Variants in MRGPRF observed in about 807,000 individuals in gnomAD.
The protein encoded by MRGPRF is MAS related GPR family member F.
MRGPRF carries 2 observed loss-of-function variants against 3.3 expected under a neutral mutation model. The ratio of observed to expected loss-of-function variants is 0.61; its 90% CI spans 0.25 to 1.92. The LOEUF (loss-of-function observed/expected upper bound fraction) is 1.92, where lower values mean the gene tolerates loss of function less well. Among genes scored for constraint, MRGPRF ranks in the 40% most tolerant of loss-of-function variants. The pLI is 0.16. For synonymous variants in MRGPRF, 242 were observed against 222.7 expected, an observed-to-expected ratio of 1.09 and a Z score of -0.77; for missense variants, 500 against 476.0, an observed-to-expected ratio of 1.05 and a Z score of -0.47.
intron 2 of MRGPRF, among the ~76,000 whole-genome samples, chr11:69,008,857 A>G (rs1157403868): frequency 1.3e-5 from 2 of 152,194 alleles, no homozygotes; most frequent in Non-Finnish European, 2.9e-5. Flanking sequence ...TGCCTCTTGT[A>G]TGCATGCACG....
chr11:69,013,112 CT>C lies in MRGPRF; in HGVS notation c.-87del. The C allele has an allele frequency of 6.6e-6, 1 of 152,554 alleles. No individual in the cohort carries two copies. Among genetic ancestry groups the C allele is most frequent in the Non-Finnish European group, 1.5e-5 (1 of 68,216 alleles). The allele number at this position is 152,554 out of a possible 1,614,324, so 9.5% of individuals were successfully genotyped here. ...AGCTGTCCTGATCCGCCGAGGCCTC[CT>C]TTTGTGGAGGGCTCTTCCTGTGACT... On this transcript the variant is annotated 5_prime_UTR_variant, in exon 1 of 3. Coordinates refer to ENST00000309099, the MANE Select transcript of MRGPRF (RefSeq NM_145015.5).
intron 1 of MRGPRF, among the ~76,000 whole-genome samples, chr11:69,011,433 G>C (rs1177260744): frequency 6.6e-6 from 1 of 152,230 alleles, no homozygotes; most frequent in East Asian, 1.9e-4. Context: ...TGGGGTCTTC[G>C]GGGTGTCCCA....
intron 2 of MRGPRF, 120 bp from the exon 3 acceptor site, chr11:69,006,381 G>T (rs984709707): frequency 8.1e-7 from 1 of 1,228,256 alleles, no homozygotes; most frequent in Non-Finnish European, 1.1e-6. Flanking sequence ...GCAGGGAGGG[G>T]GTCTGTAAGG....
At position 69,005,358 on chromosome 11, in the gene MRGPRF, C is replaced by A. The variant is rs762158049; in HGVS notation, c.952G>T (p.Ala318Ser). 1.3e-6 allele frequency: 2 copies of A among 1,567,578 alleles called. No homozygotes were observed. The highest frequency in any genetic ancestry group is 3.7e-5 in the Admixed American group (2 of 53,492). Residue 318 changes from alanine (A) to serine (S), a missense_variant, in exon 3 of 3, where the codon GCT (alanine) becomes TCT (serine). Transcript: ENST00000309099. ...VVFQRALRDG[A>S]ELGEAGGSTP... Reference sequence around the variant, plus strand: ...CTGCCCCCGGCCTCCCCCAGCTCAGCGCCGTCCCGCAGGGCCCGCTGGAAG... The same window carrying A: ...CTGCCCCCGGCCTCCCCCAGCTCAGAGCCGTCCCGCAGGGCCCGCTGGAAG...
At position 69,010,704 on chromosome 11, in the gene MRGPRF, G is replaced by A. The variant is rs529626941; in HGVS notation, c.-56-747C>T. ...CAGATTTGTGTTTCGAGCAGCTGCC[G>A]TAGGGAGGGACTGCTGGCATAGAGA... On this transcript the variant is annotated intron_variant, in intron 1 of 2. Coordinates refer to ENST00000309099, the MANE Select transcript of MRGPRF (RefSeq NM_145015.5). Among the ~76,000 whole-genome samples, 522 of 152,270 alleles carry A rather than the reference G, an allele frequency of 3.4e-3. 13 individuals carry two copies. The highest frequency in any genetic ancestry group is 0.03 in the Admixed American group (462 of 15,306).
Position 69,005,698 on chromosome 11 carries a change from G to C in MRGPRF, c.612C>G (p.Leu204=). The C allele has an allele frequency of 1.3e-6, 2 of 1,551,006 alleles. No homozygotes were observed. Among genetic ancestry groups the C allele is most frequent in the East Asian group, 2.4e-5 (1 of 40,920 alleles). ...CRHMDIFLGI[L]LFLLCCPLMV... is the part of the protein sequence containing the mutation. ...TGAGCGGGCAGCAGAGCAGGAACAGGAGGATGCCCAGGAAGATGTCCATGT... is the reference window on the plus strand; with the variant it reads ...TGAGCGGGCAGCAGAGCAGGAACAGCAGGATGCCCAGGAAGATGTCCATGT... Residue 204 remains leucine, a synonymous_variant, in exon 3 of 3, where the codon CTC becomes CTG. Coordinates refer to ENST00000309099, the MANE Select transcript of MRGPRF (RefSeq NM_145015.5).
In MRGPRF at chr11:69,006,130, C is replaced by T; in HGVS notation, c.180G>A (p.Val60=). 2 of 1,614,080 alleles carry T rather than the reference C, an allele frequency of 1.2e-6. No homozygotes were observed. The highest frequency in any genetic ancestry group is 1.7e-6 in the Non-Finnish European group (2 of 1,180,008). ...IFLLLCLCGL[V]GNGLVLWFFG... is the part of the protein sequence containing the mutation. ...AAAACCAGAGGACCAGCCCGTTGCCCACCAGGCCACACAGGCAGAGGAGCA... is the reference window on the plus strand; with the variant it reads ...AAAACCAGAGGACCAGCCCGTTGCCTACCAGGCCACACAGGCAGAGGAGCA... The change falls in exon 3 of 3, where the codon GTG becomes GTA. Residue 60 remains valine, a synonymous_variant. Coordinates refer to ENST00000309099, the MANE Select transcript of MRGPRF (RefSeq NM_145015.5).
intron 1 of MRGPRF, 38 bp from the exon 2 acceptor site, chr11:69,009,995 A>C: frequency 7.2e-7 from 1 of 1,396,128 alleles, no homozygotes; most frequent in Non-Finnish European, 9.7e-7. Flanking sequence ...TGAGGACAGC[A>C]GGGACCCCTC....
In MRGPRF at chr11:69,005,494, G is replaced by A. The variant is rs769780377; in HGVS notation, c.816C>T (p.Pro272=). 10 of 1,582,262 alleles carry A rather than the reference G, an allele frequency of 6.3e-6. No individual in the cohort carries two copies. The highest frequency in any genetic ancestry group is 1.3e-5 in the African/African-American group (1 of 74,246). Residue 272 remains proline, a synonymous_variant, in exon 3 of 3, where the codon CCC becomes CCT. Transcript: ENST00000309099. ...FWVFQIPAPF[P]EYVTDLCICI... ...AGATGCACAGGTCAGTGACGTACTC[G>A]GGGAAGGGGGCCGGGATCTGGAAGA...
chr11:69,005,625 G>T lies in MRGPRF; in HGVS notation c.685C>A (p.Arg229=). 6.4e-7 allele frequency: 1 copy of T among 1,557,530 alleles called. No individual in the cohort carries two copies. The highest frequency in any genetic ancestry group is 8.7e-7 in the Non-Finnish European group (1 of 1,151,028). ...AGCTTGGCAGAGCGCTGGCGCCGTC[G>T]GGCCCGGCACTCCACGTGCAGGATG... ...ALILHVECRA[R]RRQRSAKLNH... is the part of the protein sequence containing the mutation. The change falls in exon 3 of 3, where the codon CGA becomes AGA. Residue 229 remains arginine (R), a synonymous_variant. Transcript: ENST00000309099.
chr11:69,006,377 A>T, intron 2 of MRGPRF, 116 bp from the exon 3 acceptor site: 19 of 1,202,650 alleles, frequency 1.6e-5, no homozygotes, highest in African/African-American at 3.1e-5. Flanking sequence ...TGGGGCAGGG[A>T]GGGGGTCTGT....
intron 1 of MRGPRF, chr11:69,012,520 G>T (rs72923410): frequency 2.6e-5 from 4 of 152,538 alleles, no homozygotes; most frequent in Non-Finnish European, 5.9e-5. Flanking sequence ...AAGGCCAACA[G>T]CTTCATCAGG....
At chr11:69,008,432 C>T (rs1012004611) in intron 2 of MRGPRF, among the ~76,000 whole-genome samples, 1 of 152,230 alleles carries the variant, frequency 6.6e-6, no homozygotes, top group Non-Finnish European at 1.5e-5. Context: ...CTTCAGATGA[C>T]TCCCAGCTCT....
In MRGPRF at chr11:69,005,297, G is replaced by A; in HGVS notation, c.1013C>T (p.Pro338Leu). ...PNTVTMEMQC[P>L]PGNAS ...GGAGTCTCAGGAGGCGTTCCCCGGG[G>A]GACACTGCATCTCCATGGTGACTGT... The change falls in exon 3 of 3, where the codon CCC becomes CTC. Residue 338 changes from proline (P) to leucine (L), a missense_variant. By Grantham distance (98) the Pro-to-Leu change is moderately conservative (BLOSUM62 -3). Coordinates refer to ENST00000309099, the MANE Select transcript of MRGPRF (RefSeq NM_145015.5). 1 of 1,516,866 alleles carries A rather than the reference G, an allele frequency of 6.6e-7. No homozygotes were observed. The highest frequency in any genetic ancestry group is 8.8e-7 in the Non-Finnish European group (1 of 1,136,876). The allele number at this position is 1,516,866 out of a possible 1,614,324, so 94.0% of individuals were successfully genotyped here.
intron 2 of MRGPRF, among the ~76,000 whole-genome samples, chr11:69,007,473 G>T (rs1034958470): frequency 4.6e-5 from 7 of 152,208 alleles, no homozygotes; most frequent in Non-Finnish European, 7.3e-5. Flanking sequence ...CTCCCAAAGT[G>T]CTGGGATTAG....
Position 69,005,358 on chromosome 11 carries a change from C to T in MRGPRF, c.952G>A (p.Ala318Thr), listed in dbSNP as rs762158049. The change falls in exon 3 of 3, where the codon GCT (alanine) becomes ACT (threonine). Residue 318 changes from alanine to threonine, a missense_variant. Coordinates refer to ENST00000309099, the MANE Select transcript of MRGPRF (RefSeq NM_145015.5). ...CTGCCCCCGGCCTCCCCCAGCTCAG[C>T]GCCGTCCCGCAGGGCCCGCTGGAAG... ...VVFQRALRDGAELGEAGGSTP... is the reference protein window; with the variant it reads ...VVFQRALRDGTELGEAGGSTP... 8.9e-6 allele frequency: 14 copies of T among 1,567,460 alleles called. No homozygotes were observed. The highest frequency in any genetic ancestry group is 1.9e-5 in the Admixed American group (1 of 53,472).
rs1250101024 is a variant in MRGPRF at position 69,005,906 on chromosome 11, G to A, written c.404C>T (p.Pro135Leu). Residue 135 changes from proline to leucine, a missense_variant, in exon 3 of 3, where the codon CCG (proline) becomes CTG (leucine). Transcript: ENST00000309099. Reference protein sequence around the residue: ...CMFLTGVSLLPAVSAERCASV... With the variant: ...CMFLTGVSLLLAVSAERCASV... ...GGCGCAGCGCTCGGCGCTGACGGCC[G>A]GCAGGAGGCTCACGCCGGTAAGGAA... 2 of 1,573,338 alleles carry A rather than the reference G, an allele frequency of 1.3e-6. No homozygotes were observed. The highest frequency in any genetic ancestry group is 8.6e-7 in the Non-Finnish European group (1 of 1,160,224).
intron 1 of MRGPRF, among the ~76,000 whole-genome samples, chr11:69,011,026 C>G (rs1187023656): frequency 6.6e-6 from 1 of 152,158 alleles, no homozygotes; most frequent in Non-Finnish European, 1.5e-5. Flanking sequence ...AGGTCGCAGG[C>G]TGCCGGGCCC....
chr11:69,012,137 C>A (rs1590683202), intron 1 of MRGPRF: 1 of 152,454 alleles, frequency 6.6e-6, no homozygotes, highest in African/African-American at 2.4e-5. Context: ...ATCTGGGCTG[C>A]TATGACAGAA....
Sources: allele counts gnomAD v4.1 joint callset (sites outside exome capture counted in the v4.1 genomes callset), GRCh38; gene constraint gnomAD v4.1.1; transcripts MANE v1.5; gene names NCBI Gene and HGNC (gene_info 2026-07-23, HGNC 2026-07-21).